The following ZNF644 variants were observed in gnomAD, a reference collection of about 807,000 sequenced individuals.
The protein encoded by ZNF644 is zinc finger motif enhancer binding protein 2.
ZNF644 carries 20 observed loss-of-function variants against 108.0 expected under a neutral mutation model. The observed-to-expected ratio is 0.19, with a 90% confidence interval of 0.13 to 0.27. The LOEUF (loss-of-function observed/expected upper bound fraction) is 0.27, where lower values mean the gene tolerates loss of function less well. Ranked by LOEUF, ZNF644 falls within the 10% of genes least tolerant of loss-of-function variation. ZNF644 has a pLI of 1.00. For synonymous variants in ZNF644, 542 were observed against 539.1 expected, an observed-to-expected ratio of 1.01 and a Z score of -0.08; for missense variants, 1,338 against 1,548.9, an observed-to-expected ratio of 0.86 and a Z score of 2.29.
chr1:91,007,274 T>C (rs1182080178), intron 1 of ZNF644, among the ~76,000 whole-genome samples: 1 of 141,070 alleles, frequency 7.1e-6, no homozygotes, highest in Non-Finnish European at 1.5e-5. Flanking sequence ...CTCGCTCTGT[T>C]GCACAGGCTG....
At chr1:90,925,603 T>TA (rs879266813) in intron 4 of ZNF644, among the ~76,000 whole-genome samples, 76 of 138,862 alleles carry the variant, frequency 5.5e-4, no homozygotes, top group Admixed American at 1.2e-3. Context: ...AAACATATAT[T>TA]AAAAAAAAAA....
intron 2 of ZNF644, among the ~76,000 whole-genome samples, chr1:90,950,314 G>GGGGAC: frequency 1.2e-5 from 1 of 82,388 alleles, no homozygotes; most frequent in Non-Finnish European, 2.6e-5. Flanking sequence ...GGGGACAAAA[G>GGGGAC]AAAAGAAAAC....
Position 90,915,364 on chromosome 1 carries a change from G to A in ZNF644, c.*1434C>T, listed in dbSNP as rs1474351414. On this transcript the variant is annotated 3_prime_UTR_variant, in exon 6 of 6. Coordinates refer to ENST00000337393, the MANE Select transcript of ZNF644 (RefSeq NM_201269.3). ...TGGTAAGGAGATATACCATAGGAAA[G>A]CAATTTCACTGGCAGTGAGGTATGT... The A allele has an allele frequency of 2.0e-5, 3 of 152,458 alleles. No individual in the cohort carries two copies. Among genetic ancestry groups the A allele is most frequent in the Non-Finnish European group, 4.4e-5 (3 of 67,986 alleles). The allele number at this position is 152,458 out of a possible 1,614,324, so 9.4% of individuals were successfully genotyped here. A position where few individuals can be genotyped will look rare whatever the true frequency, so the allele number is the denominator to read the frequency against.
chr1:90,929,966 T>C (rs776359246), intron 4 of ZNF644, among the ~76,000 whole-genome samples: 2 of 152,204 alleles, frequency 1.3e-5, no homozygotes, highest in Non-Finnish European at 2.9e-5. Context: ...ATAGCAACAA[T>C]TGGGCTTTAC....
At chr1:90,942,381 T>C (rs910420832) in intron 2 of ZNF644, among the ~76,000 whole-genome samples, 6 of 152,186 alleles carry the variant, frequency 3.9e-5, no homozygotes, top group African/African-American at 1.4e-4. Flanking sequence ...ACCCCCACTA[T>C]GAAAAGTTCC....
At chr1:90,968,526 G>A (rs1163921682) in intron 2 of ZNF644, among the ~76,000 whole-genome samples, 1 of 152,040 alleles carries the variant, frequency 6.6e-6, no homozygotes, top group Non-Finnish European at 1.5e-5. Flanking sequence ...GAGAAAATAA[G>A]GAAAATTTAA....
chr1:90,969,894 T>C (rs1002590081), intron 2 of ZNF644, among the ~76,000 whole-genome samples: 2 of 152,186 alleles, frequency 1.3e-5, no homozygotes, highest in Non-Finnish European at 2.9e-5. Context: ...TAGATTCTTA[T>C]GGCAGCCCTA....
intron 4 of ZNF644, among the ~76,000 whole-genome samples, chr1:90,929,408 A>T (rs1304294940): frequency 6.6e-6 from 1 of 152,220 alleles, no homozygotes; most frequent in Non-Finnish European, 1.5e-5. Flanking sequence ...CCCAGTCTGG[A>T]AGAATTGTCA....
Position 91,007,220 on chromosome 1 carries a change from A to ATTTTTT in ZNF644, c.-18+14769_-18+14770insAAAAAA, listed in dbSNP as rs1557658483. On this transcript the variant is annotated intron_variant, in intron 1 of 5. Transcript: ENST00000337393. ...TTCTTAATTTCTTCCATTTTCTCCC[A>ATTTTTT]TTTTGTTTTTTTTTTTTTTTTTTTT... Among the ~76,000 whole-genome samples, 43 of 30,310 alleles carry ATTTTTT rather than the reference A, an allele frequency of 1.4e-3. 2 individuals are homozygous for ATTTTTT. Among genetic ancestry groups the ATTTTTT allele is most frequent in the Non-Finnish European group, 2.1e-3 (32 of 15,272 alleles). 19.9% of individuals were successfully genotyped at this position (30,310 alleles called of 152,430 possible). A position where few individuals can be genotyped will look rare whatever the true frequency, so the allele number is the denominator to read the frequency against.
intron 1 of ZNF644, among the ~76,000 whole-genome samples, chr1:90,986,399 G>A (rs996618941): frequency 6.6e-6 from 1 of 151,624 alleles, no homozygotes; most frequent in Non-Finnish European, 1.5e-5. Context: ...ACAACTAAAT[G>A]TAATATATCT....
Position 90,963,625 on chromosome 1 carries a change from C to T in ZNF644, c.44+18685G>A, listed in dbSNP as rs1433832102. Among the ~76,000 whole-genome samples, 5 of 152,022 alleles carry T rather than the reference C, an allele frequency of 3.3e-5. No homozygotes were observed. In the East Asian group the frequency reaches 9.6e-4, roughly 29 times the overall value. On this transcript the variant is annotated intron_variant, in intron 2 of 5. Transcript: ENST00000337393. Reference sequence around the variant, plus strand: ...ACAAGTGAACCATAGCGACATCTGACAAAATTTCTAACTCTCAAACATAAT... The same window carrying T: ...ACAAGTGAACCATAGCGACATCTGATAAAATTTCTAACTCTCAAACATAAT...
chr1:90,957,746 T>C (rs1377160544), intron 2 of ZNF644, among the ~76,000 whole-genome samples: 1 of 152,136 alleles, frequency 6.6e-6, no homozygotes, highest in Non-Finnish European at 1.5e-5. Flanking sequence ...ACCACTGCCA[T>C]TCAACACTGT....
intron 1 of ZNF644, 133 bp from the exon 2 acceptor site, chr1:90,982,503 C>A (rs1455575484): frequency 1.6e-6 from 1 of 643,376 alleles, no homozygotes; most frequent in Non-Finnish European, 2.7e-6. Flanking sequence ...CATAAAAAAA[C>A]CATTCAACCA....
chr1:90,995,658 T>C (rs1658079722), intron 1 of ZNF644, among the ~76,000 whole-genome samples: 1 of 151,884 alleles, frequency 6.6e-6, no homozygotes. Context: ...TGGTTACATA[T>C]CAAAAACAAC....
rs142885368 is a variant in ZNF644, at chr1:90,921,886, C to A, written c.3689-3732G>T. On this transcript the variant is annotated intron_variant, in intron 4 of 5. Coordinates refer to ENST00000337393, the MANE Select transcript of ZNF644 (RefSeq NM_201269.3). ...ATACGACGACCAATGACCATGACGA[C>A]AACAACATGCCAAAGCACTAAACCA... 6.0e-3 allele frequency among the ~76,000 whole-genome samples: 910 copies of A among 152,152 alleles called. 12 individuals are homozygous for A. The highest frequency in any genetic ancestry group is 0.02 in the Middle Eastern group (6 of 294).
chr1:91,014,842 G>T (rs1251846007), intron 1 of ZNF644, among the ~76,000 whole-genome samples: 1 of 152,148 alleles, frequency 6.6e-6, no homozygotes, highest in Non-Finnish European at 1.5e-5. Flanking sequence ...GGATATATAT[G>T]TAAGAAGAAC....
intron 2 of ZNF644, among the ~76,000 whole-genome samples, chr1:90,945,121 G>A (rs1392354795): frequency 6.6e-6 from 1 of 152,048 alleles, no homozygotes; most frequent in Non-Finnish European, 1.5e-5. Context: ...AAGTAGGAAC[G>A]TATTTGAAGG....
intron 1 of ZNF644, among the ~76,000 whole-genome samples, chr1:90,984,215 A>C (rs1047506926): frequency 1.3e-5 from 2 of 152,166 alleles, no homozygotes; most frequent in Admixed American, 6.5e-5. Context: ...TAGAGCAACC[A>C]CAGGAAATTA....
At chr1:90,995,921 C>T (rs358682) in intron 1 of ZNF644, among the ~76,000 whole-genome samples, 136,897 of 152,172 alleles carry the variant, frequency 0.9, 61,929 homozygotes, top group African/African-American at 0.98. Context: ...CACTCTGATC[C>T]CAGACTTCCA....
Sources: allele counts gnomAD v4.1 joint callset (sites outside exome capture counted in the v4.1 genomes callset), GRCh38; gene constraint gnomAD v4.1.1; transcripts MANE v1.5; gene names NCBI Gene and HGNC (gene_info 2026-07-23, HGNC 2026-07-21).